The following GALNTL5 variants were observed in gnomAD, a reference collection of about 807,000 sequenced individuals.
GALNTL5 encodes inactive polypeptide N-acetylgalactosaminyltransferase-like protein 5.
In GALNTL5, 44 loss-of-function variants were observed where a neutral mutation model predicts 51.0. The ratio of observed to expected loss-of-function variants is 0.86; its 90% CI spans 0.68 to 1.11. The LOEUF (loss-of-function observed/expected upper bound fraction) is 1.11, where lower values mean the gene tolerates loss of function less well. Ranked by LOEUF, GALNTL5 falls within the 50% of genes least tolerant of loss-of-function variation. The pLI is 0.00. For missense variants in GALNTL5, 528 were observed against 531.8 expected, an observed-to-expected ratio of 0.99 and a Z score of 0.07; for synonymous variants, 192 against 182.8, an observed-to-expected ratio of 1.05 and a Z score of -0.41.
intron 4 of GALNTL5, among the ~76,000 whole-genome samples, chr7:151,983,561 C>T (rs760889305): frequency 1.3e-5 from 2 of 152,146 alleles, no homozygotes; most frequent in Non-Finnish European, 2.9e-5. Flanking sequence ...GGTATTGGGG[C>T]AGGCACTGCA....
chr7:151,988,342 G>A (rs2081386894), intron 5 of GALNTL5, among the ~76,000 whole-genome samples: 3 of 152,198 alleles, frequency 2.0e-5, no homozygotes, highest in Admixed American at 2.0e-4. Flanking sequence ...CACGCCTCCT[G>A]CCGCATGTAG....
chr7:151,969,946 A>G (rs922625254), intron 2 of GALNTL5, among the ~76,000 whole-genome samples: 1 of 150,316 alleles, frequency 6.7e-6, no homozygotes, highest in Non-Finnish European at 1.5e-5. Context: ...AGCTGGGACT[A>G]CAGGCACCAG....
chr7:151,998,842 A>T (rs2081534702), intron 5 of GALNTL5, among the ~76,000 whole-genome samples: 1 of 152,114 alleles, frequency 6.6e-6, no homozygotes, highest in South Asian at 2.1e-4. Flanking sequence ...ACAAATGGCT[A>T]ATCATGTGGA....
At chr7:152,015,822 A>T (rs1171201140) in intron 8 of GALNTL5, among the ~76,000 whole-genome samples, 1 of 152,192 alleles carries the variant, frequency 6.6e-6, no homozygotes, top group Non-Finnish European at 1.5e-5. Flanking sequence ...TTTCCCCAGG[A>T]GTTAAGTACC....
intron 8 of GALNTL5, 125 bp from the exon 9 acceptor site, chr7:152,019,521 T>A (rs531433195): frequency 2.4e-6 from 2 of 840,814 alleles, no homozygotes; most frequent in East Asian, 5.1e-5. Flanking sequence ...CAGAAAAAAA[T>A]TGGGATCTGG....
Position 151,962,034 on chromosome 7 carries a change from G to A in GALNTL5, c.-39-5174G>A, listed in dbSNP as rs192156331. On this transcript the variant is annotated intron_variant, in intron 1 of 8. Transcript: ENST00000392800. ...TTTTTTTTTTTTAATGGAGTCTCTC[G>A]CTCTGTTGCCCAGGCTGGAGTGCAG... is the stretch of plus-strand genomic sequence containing the variant. Among the ~76,000 whole-genome samples the A allele has an allele frequency of 4.8e-3, 628 of 131,528 alleles. 4 individuals carry two copies. The highest frequency in any genetic ancestry group is 0.012 in the Middle Eastern group (3 of 244). The allele number at this position is 131,528 out of a possible 152,430, so 86.3% of individuals were successfully genotyped here.
At chr7:151,972,924 G>C (rs2081162783) in intron 3 of GALNTL5, among the ~76,000 whole-genome samples, 1 of 152,216 alleles carries the variant, frequency 6.6e-6, no homozygotes, top group Non-Finnish European at 1.5e-5. Context: ...GCAATACCTA[G>C]TGGAGCTGTG....
chr7:151,964,456 G>A (rs777258081), intron 1 of GALNTL5, among the ~76,000 whole-genome samples: 7 of 152,058 alleles, frequency 4.6e-5, no homozygotes, highest in East Asian at 1.9e-4. Flanking sequence ...TGTTGTTCTC[G>A]TGAGAGTGAG....
rs374558848 is a variant in GALNTL5, at chr7:152,003,832, T to C, written c.908+869T>C. Among the ~76,000 whole-genome samples, 75 of 152,328 alleles carry C rather than the reference T, an allele frequency of 4.9e-4. 2 individuals are homozygous for C. The highest frequency in any genetic ancestry group is 1.8e-3 in the African/African-American group (73 of 41,586). ...TTGTAATATTTCCATATCTCACATATAAAACATTTTTAGGCTCTAATGTAA... is the reference window on the plus strand; with the variant it reads ...TTGTAATATTTCCATATCTCACATACAAAACATTTTTAGGCTCTAATGTAA... On this transcript the variant is annotated intron_variant, in intron 6 of 8. Transcript: ENST00000392800.
intron 7 of GALNTL5, among the ~76,000 whole-genome samples, chr7:152,011,357 G>A (rs2081735799): frequency 6.6e-6 from 1 of 152,242 alleles, no homozygotes; most frequent in South Asian, 2.1e-4. Context: ...AATGGTTCTG[G>A]TAACTGAGCT....
intron 8 of GALNTL5, among the ~76,000 whole-genome samples, chr7:152,018,725 C>T (rs1387849351): frequency 6.6e-6 from 1 of 152,154 alleles, no homozygotes; most frequent in Non-Finnish European, 1.5e-5. Flanking sequence ...CCCCCACCTG[C>T]AGGCTCACCC....
At chr7:151,975,359 A>G (rs1331990261) in intron 3 of GALNTL5, among the ~76,000 whole-genome samples, 2 of 152,080 alleles carry the variant, frequency 1.3e-5, no homozygotes, top group African/African-American at 4.8e-5. Flanking sequence ...TTGGCATATA[A>G]TTGTTCATAG....
chr7:151,982,782 A>T (rs2081308998), intron 3 of GALNTL5: 4 of 1,092,282 alleles, frequency 3.7e-6, no homozygotes, highest in Non-Finnish European at 5.3e-6. Context: ...AAGAAGGGGG[A>T]AATTATTCAG....
intron 6 of GALNTL5, among the ~76,000 whole-genome samples, chr7:152,005,669 A>G (rs2081633645): frequency 6.6e-6 from 1 of 152,132 alleles, no homozygotes; most frequent in African/African-American, 2.4e-5. Context: ...TTGGAAAAAT[A>G]TAGAATATGT....
intron 3 of GALNTL5, among the ~76,000 whole-genome samples, chr7:151,974,545 A>G (rs985117507): frequency 6.6e-6 from 1 of 152,228 alleles, no homozygotes; most frequent in African/African-American, 2.4e-5. Flanking sequence ...AATATCACTC[A>G]TGATGTGGTA....
intron 4 of GALNTL5, chr7:151,985,770 C>CCCACTTTTCCCT (rs1270953267): frequency 6.5e-6 from 1 of 152,772 alleles, no homozygotes; most frequent in Non-Finnish European, 1.5e-5. Context: ...CTCATGGCGT[C>CCCACTTTTCCCT]CCACTTTTCC....
At chr7:151,969,743 A>C (rs1429687108) in intron 2 of GALNTL5, among the ~76,000 whole-genome samples, 1 of 152,168 alleles carries the variant, frequency 6.6e-6, no homozygotes, top group African/African-American at 2.4e-5. Flanking sequence ...TAGTGGCTGC[A>C]CTTAGCTGAT....
intron 3 of GALNTL5, among the ~76,000 whole-genome samples, chr7:151,973,078 A>G (rs917977975): frequency 3.9e-5 from 6 of 152,114 alleles, no homozygotes; most frequent in Admixed American, 2.6e-4. Flanking sequence ...CAGAAGCAGA[A>G]CTGCCCAAGG....
At chr7:151,990,560 G>T (rs908905992) in intron 5 of GALNTL5, among the ~76,000 whole-genome samples, 1 of 30,786 alleles carries the variant, frequency 3.2e-5, no homozygotes, top group East Asian at 1.1e-3. Flanking sequence ...CAGCCTGGGC[G>T]ACAGAGCGAG....
Sources: allele counts gnomAD v4.1 joint callset (sites outside exome capture counted in the v4.1 genomes callset), GRCh38; gene constraint gnomAD v4.1.1; transcripts MANE v1.5; gene names NCBI Gene and HGNC (gene_info 2026-07-23, HGNC 2026-07-21).